Variants in SNX2 observed in about 807,000 individuals in gnomAD.
The protein encoded by SNX2 is sorting nexin 2.
In SNX2, 25 loss-of-function variants were observed where a neutral mutation model predicts 69.9. The observed-to-expected ratio is 0.36, with a 90% confidence interval of 0.26 to 0.50. The LOEUF is 0.50. Ranked by LOEUF, SNX2 falls within the 20% of genes least tolerant of loss-of-function variation. SNX2 has a pLI of 0.97. For synonymous variants in SNX2, 229 were observed against 200.4 expected (o/e 1.14, Z -1.20); for missense variants, 551 against 613.3 (o/e 0.90, Z 1.07).
At position 122,802,071 on chromosome 5, in the gene SNX2, T is replaced by C. The variant is rs747939498; in HGVS notation, c.458-10T>C. The C allele has an allele frequency of 3.1e-6, 5 of 1,612,780 alleles. No homozygotes were observed. The highest frequency in any genetic ancestry group is 1.3e-5 in the African/African-American group (1 of 75,022). The stretch of plus-strand genomic sequence containing the variant: ...GTGATTTTAATAGTAGTGTTTGACT[T>C]TTTTTGCAGGTGATGGCATGAATGC... On this transcript the variant is annotated splice_polypyrimidine_tract_variant and intron_variant, in intron 4 of 14. Coordinates refer to ENST00000379516, the MANE Select transcript of SNX2 (RefSeq NM_003100.4).
Position 122,819,169 on chromosome 5 carries a change from C to T in SNX2, c.1212+146C>T, listed in dbSNP as rs1422427096. 4.8e-6 allele frequency: 3 copies of T among 623,158 alleles called. No individual in the cohort carries two copies. The African/African-American group carries it at 5.5e-5, about 11-fold the overall frequency. 38.6% of individuals were successfully genotyped at this position (623,158 alleles called of 1,614,324 possible). A position where few individuals can be genotyped will look rare whatever the true frequency, so the allele number is the denominator to read the frequency against. ...CAAGATAAGTATACATAACTTAATACTTTCTTCCCTATGACTTGCACAGTA... is the reference window on the plus strand; with the variant it reads ...CAAGATAAGTATACATAACTTAATATTTTCTTCCCTATGACTTGCACAGTA... On this transcript the variant is annotated intron_variant, in intron 11 of 14. Transcript: ENST00000379516.
intron 1 of SNX2, among the ~76,000 whole-genome samples, chr5:122,786,422 T>C (rs1753089955): frequency 6.6e-6 from 1 of 152,164 alleles, no homozygotes; most frequent in Non-Finnish European, 1.5e-5. Flanking sequence ...TCTCCTTTCT[T>C]GTGGATTACT....
At chr5:122,806,142 G>GCGCACGCGCGCGCGCACACACACACA in intron 6 of SNX2, among the ~76,000 whole-genome samples, 3 of 130,580 alleles carry the variant, frequency 2.3e-5, no homozygotes, top group Non-Finnish European at 4.9e-5. Context: ...ACACGCGCGC[G>GCGCACGCGCGCGCGCACACACACACA]CACACACACA....
intron 14 of SNX2, among the ~76,000 whole-genome samples, chr5:122,829,167 T>C (rs180853206): frequency 3.4e-4 from 52 of 151,278 alleles, no homozygotes; most frequent in African/African-American, 1.2e-3. Context: ...TTAGTCATTG[T>C]TAGCTATTTG....
chr5:122,818,716 C>T (rs1179871429), intron 10 of SNX2, 102 bp from the exon 11 acceptor site: 10 of 881,698 alleles, frequency 1.1e-5, no homozygotes, highest in Middle Eastern at 3.5e-4. Context: ...ATTTGAGCAA[C>T]TTGTGCATAA....
intron 1 of SNX2, among the ~76,000 whole-genome samples, chr5:122,789,446 CACACACACACACACACAGACACACACGG>C (rs1753170993): frequency 5.3e-5 from 6 of 112,576 alleles, no homozygotes. Context: ...CACACATACA[CACACACACACACACACAGACACACACGG>C]ACACACACAC....
intron 7 of SNX2, among the ~76,000 whole-genome samples, chr5:122,814,014 T>C (rs1753842393): frequency 1.3e-5 from 2 of 152,112 alleles, no homozygotes; most frequent in African/African-American, 4.8e-5. Flanking sequence ...CCTCGTGATC[T>C]GCCTGCCAAA....
intron 12 of SNX2, 82 bp from the exon 13 acceptor site, chr5:122,827,297 T>C: frequency 1.8e-6 from 2 of 1,124,632 alleles, no homozygotes; most frequent in Non-Finnish European, 2.6e-6. Context: ...TTTCAGGCAT[T>C]GTGATTAAAT....
intron 1 of SNX2, among the ~76,000 whole-genome samples, chr5:122,782,034 T>TGG (rs1244066628): frequency 6.6e-6 from 1 of 152,186 alleles, no homozygotes; most frequent in Non-Finnish European, 1.5e-5. Context: ...GCTAAAAATC[T>TGG]GGATCTTCTC....
intron 2 of SNX2, among the ~76,000 whole-genome samples, chr5:122,796,750 A>C (rs932366536): frequency 6.6e-6 from 1 of 152,178 alleles, no homozygotes; most frequent in African/African-American, 2.4e-5. Flanking sequence ...TTCACCCTAT[A>C]GTCTCAGATT....
intron 11 of SNX2, among the ~76,000 whole-genome samples, chr5:122,824,685 T>A (rs1754114249): frequency 6.6e-6 from 1 of 152,232 alleles, no homozygotes; most frequent in Non-Finnish European, 1.5e-5. Context: ...GATTTTTTAA[T>A]GCTATTATCA....
intron 11 of SNX2, among the ~76,000 whole-genome samples, chr5:122,820,310 G>T (rs780916059): frequency 3.3e-5 from 5 of 152,130 alleles, no homozygotes; most frequent in Non-Finnish European, 7.3e-5. Flanking sequence ...GGCCGAGGCG[G>T]GTGGATCACG....
At chr5:122,794,810 T>C (rs1753337423) in intron 1 of SNX2, among the ~76,000 whole-genome samples, 1 of 152,004 alleles carries the variant, frequency 6.6e-6, no homozygotes, top group South Asian at 2.1e-4. Flanking sequence ...TCACTTGAAC[T>C]CAGGAGTTCA....
intron 7 of SNX2, among the ~76,000 whole-genome samples, chr5:122,814,315 G>A (rs909083241): frequency 4.6e-5 from 7 of 152,154 alleles, no homozygotes; most frequent in Non-Finnish European, 1.0e-4. Context: ...TAAACCTGCA[G>A]GATTAGTGTT....
intron 2 of SNX2, among the ~76,000 whole-genome samples, chr5:122,799,331 CATA>C (rs1753457731): frequency 6.6e-6 from 1 of 152,018 alleles, no homozygotes; most frequent in African/African-American, 2.4e-5. Flanking sequence ...ATAAAATAAT[CATA>C]ATATTAGTGT....
intron 2 of SNX2, among the ~76,000 whole-genome samples, chr5:122,797,887 T>C (rs1320753285): frequency 1.3e-5 from 2 of 152,344 alleles, no homozygotes; most frequent in Non-Finnish European, 1.5e-5. Flanking sequence ...TATATATATA[T>C]GTTGAATCTA....
intron 1 of SNX2, among the ~76,000 whole-genome samples, chr5:122,793,227 C>T (rs1045564273): frequency 2.0e-5 from 3 of 152,086 alleles, no homozygotes; most frequent in African/African-American, 7.2e-5. Flanking sequence ...CATCTAAGTG[C>T]TTATTAACAC....
At chr5:122,814,398 G>A (rs753727330) in intron 7 of SNX2, among the ~76,000 whole-genome samples, 5 of 152,072 alleles carry the variant, frequency 3.3e-5, no homozygotes, top group Admixed American at 1.3e-4. Flanking sequence ...AGATTGTATC[G>A]AAGATACCTG....
intron 1 of SNX2, among the ~76,000 whole-genome samples, chr5:122,786,064 C>T (rs570125493): frequency 2.6e-5 from 4 of 152,102 alleles, no homozygotes; most frequent in Non-Finnish European, 2.9e-5. Context: ...TACATAGATG[C>T]TTAGGATTGT....
Sources: gnomAD v4.1 joint callset for allele counts (sites outside exome capture counted in the v4.1 genomes callset) on GRCh38, gnomAD v4.1.1 for gene constraint, MANE v1.5 for transcripts, NCBI Gene and HGNC (gene_info 2026-07-23, HGNC 2026-07-21) for gene names.